MAP2K5: variants seen among roughly 807,000 people sequenced by gnomAD.
MAP2K5 encodes dual specificity mitogen-activated protein kinase kinase 5.
Under a neutral mutation model 83.1 loss-of-function variants are expected in MAP2K5, and 49 were observed. That is an observed-to-expected ratio of 0.59 (90% confidence interval 0.47 to 0.75). The LOEUF (loss-of-function observed/expected upper bound fraction) is 0.75, where lower values mean the gene tolerates loss of function less well. Among genes scored for constraint, MAP2K5 ranks in the 30% least tolerant of loss-of-function variants. The pLI, the probability that MAP2K5 is intolerant of heterozygous loss-of-function variation, is 0.00. For missense variants in MAP2K5, 457 were observed against 557.5 expected, an observed-to-expected ratio of 0.82 and a Z score of 1.82; for synonymous variants, 202 against 191.8, an observed-to-expected ratio of 1.05 and a Z score of -0.44.
At chr15:67,566,340 A>G (rs1163676651) in intron 3 of MAP2K5, among the ~76,000 whole-genome samples, 1 of 151,976 alleles carries the variant, frequency 6.6e-6, no homozygotes, top group Admixed American at 6.6e-5. Context: ...ACGCACGGCT[A>G]ATTTTTGTAC....
intron 16 of MAP2K5, among the ~76,000 whole-genome samples, chr15:67,709,123 C>A (rs576999383): frequency 3.9e-5 from 6 of 152,294 alleles, no homozygotes; most frequent in African/African-American, 1.4e-4. Flanking sequence ...TAACTCACAT[C>A]TTTAAATGTG....
intron 11 of MAP2K5, among the ~76,000 whole-genome samples, chr15:67,656,986 C>T (rs1297720997): frequency 1.3e-5 from 2 of 152,140 alleles, no homozygotes; most frequent in African/African-American, 4.8e-5. Flanking sequence ...ATTTTTTCAC[C>T]TATGACGTTT....
At chr15:67,553,326 A>G (rs1037265106) in intron 2 of MAP2K5, among the ~76,000 whole-genome samples, 2 of 152,186 alleles carry the variant, frequency 1.3e-5, no homozygotes, top group African/African-American at 4.8e-5. Flanking sequence ...GTAAATATAG[A>G]TAAACCTCTA....
chr15:67,593,583 C>T (rs1366341371), intron 7 of MAP2K5, among the ~76,000 whole-genome samples: 1 of 152,178 alleles, frequency 6.6e-6, no homozygotes, highest in Non-Finnish European at 1.5e-5. Flanking sequence ...TAAACATACA[C>T]TGGTAAATTA....
chr15:67,780,896 T>A lies in MAP2K5; in HGVS notation c.1242+8144T>A, dbSNP rs1237041615. Among the ~76,000 whole-genome samples, 5 of 152,276 alleles carry A rather than the reference T, an allele frequency of 3.3e-5. No homozygotes were observed. The East Asian group carries it at 9.6e-4, about 29-fold the overall frequency. On this transcript the variant is annotated intron_variant, in intron 21 of 21. Coordinates refer to ENST00000178640, the MANE Select transcript of MAP2K5 (RefSeq NM_145160.3). This position sits in a 1 kb window ranked among gnomAD's most constrained non-coding sequence, Gnocchi z 5.0. ...AGGTGGTGATCAGCAGCACATATGA[T>A]CTTTGGTATGCATTCTGACCACTTG... is the stretch of plus-strand genomic sequence containing the variant.
In MAP2K5 at chr15:67,573,422, C is replaced by T. The variant is rs142129671; in HGVS notation, c.253-7332C>T. Among the ~76,000 whole-genome samples, 51 of 152,174 alleles carry T rather than the reference C, an allele frequency of 3.4e-4. 1 individual carries two copies. In the East Asian group the frequency reaches 9.5e-3, roughly 28 times the overall value. On this transcript the variant is annotated intron_variant, in intron 3 of 21. Coordinates refer to ENST00000178640, the MANE Select transcript of MAP2K5 (RefSeq NM_145160.3). This position sits in a 1 kb window ranked among gnomAD's most constrained non-coding sequence, Gnocchi z 4.2. ...GTAGAGGGTGGGGCGGGAGTTGCCA[C>T]ACACTTTTAAACCATCAGATCTCGT...
At chr15:67,744,926 A>T (rs1490498529) in intron 17 of MAP2K5, among the ~76,000 whole-genome samples, 2 of 152,206 alleles carry the variant, frequency 1.3e-5, no homozygotes, top group Non-Finnish European at 2.9e-5. Context: ...CTATGAAGTC[A>T]TTCTTCCCCA....
intron 2 of MAP2K5, among the ~76,000 whole-genome samples, chr15:67,554,875 GT>G (rs1198752542): frequency 1.3e-5 from 2 of 152,192 alleles, no homozygotes; most frequent in Non-Finnish European, 2.9e-5. Flanking sequence ...AGTAATTTGC[GT>G]TTTTGGATTA....
At chr15:67,804,985 C>T (rs2090774198) in intron 21 of MAP2K5, among the ~76,000 whole-genome samples, 1 of 152,208 alleles carries the variant, frequency 6.6e-6, no homozygotes, top group Admixed American at 6.5e-5. Flanking sequence ...CACAGGGCCA[C>T]ACCCAGCCTG....
At chr15:67,614,655 A>C (rs1040930089) in intron 8 of MAP2K5, among the ~76,000 whole-genome samples, 1 of 152,182 alleles carries the variant, frequency 6.6e-6, no homozygotes, top group Non-Finnish European at 1.5e-5. Flanking sequence ...ACCATATATT[A>C]AAAGACATTA....
At chr15:67,618,692 C>T (rs1467024850) in intron 8 of MAP2K5, among the ~76,000 whole-genome samples, 1 of 152,166 alleles carries the variant, frequency 6.6e-6, no homozygotes, top group African/African-American at 2.4e-5. Context: ...TTTCTTCCTC[C>T]TTCTTTTTCT....
rs2090722535 is a variant in MAP2K5 at position 67,802,415 on chromosome 15, C to G, written c.1243-4231C>G. 6.6e-6 allele frequency among the ~76,000 whole-genome samples: 1 copy of G among 152,226 alleles called. No homozygotes were observed. The highest frequency in any genetic ancestry group is 1.5e-5 in the Non-Finnish European group (1 of 68,048). On this transcript the variant is annotated intron_variant, in intron 21 of 21. Coordinates refer to ENST00000178640, the MANE Select transcript of MAP2K5 (RefSeq NM_145160.3). This position sits in a 1 kb window ranked among gnomAD's most constrained non-coding sequence, Gnocchi z 5.0. Reference sequence around the variant, plus strand: ...GGCACCTCCCGACTCTCCCCTGTGTCCCACTTTTGGAGTCATCCTGCCTCT... The same window carrying G: ...GGCACCTCCCGACTCTCCCCTGTGTGCCACTTTTGGAGTCATCCTGCCTCT...
In MAP2K5 at chr15:67,699,385, C is replaced by T. The variant is rs538665879; in HGVS notation, c.973-3952C>T. ...CCTGCTAGAAGCCTAAATGGCTAACCTCAGTGTAAGAGTAAACTAGATCTA... is the reference window on the plus strand; with the variant it reads ...CCTGCTAGAAGCCTAAATGGCTAACTTCAGTGTAAGAGTAAACTAGATCTA... On this transcript the variant is annotated intron_variant, in intron 15 of 21. Coordinates refer to ENST00000178640, the MANE Select transcript of MAP2K5 (RefSeq NM_145160.3). 4.6e-5 allele frequency among the ~76,000 whole-genome samples: 7 copies of T among 152,266 alleles called. No homozygotes were observed. In the East Asian group the frequency reaches 1.4e-3, roughly 29 times the overall value.
intron 8 of MAP2K5, among the ~76,000 whole-genome samples, chr15:67,612,095 T>C (rs535098928): frequency 1.3e-5 from 2 of 149,292 alleles, no homozygotes; most frequent in African/African-American, 4.9e-5. Context: ...TTTTTTTCAC[T>C]GCCATGATTT....
Position 67,755,293 on chromosome 15 carries a change from G to A in MAP2K5, c.1134+6692G>A, listed in dbSNP as rs770479806. Among the ~76,000 whole-genome samples the A allele has an allele frequency of 6.6e-6, 1 of 152,006 alleles. No homozygotes were observed. The highest frequency in any genetic ancestry group is 1.5e-5 in the Non-Finnish European group (1 of 67,978). On this transcript the variant is annotated intron_variant, in intron 19 of 21. Transcript: ENST00000178640. This position sits in a 1 kb window ranked among gnomAD's most constrained non-coding sequence, Gnocchi z 4.7. The stretch of plus-strand genomic sequence containing the variant: ...ACTCCTGGCTTTTAGAAGCTTTTTA[G>A]TAACATTGTTATAAAGTAGGCTCTT...
chr15:67,620,814 G>A (rs915861438), intron 8 of MAP2K5, among the ~76,000 whole-genome samples: 1 of 151,928 alleles, frequency 6.6e-6, no homozygotes, highest in Admixed American at 6.6e-5. Flanking sequence ...AAAATTATAC[G>A]GGTAACTAAA....
Position 67,764,914 on chromosome 15 carries a change from A to G in MAP2K5, c.1135-4688A>G, listed in dbSNP as rs930746261. ...CTGCTAAGAATCTAGGCCTCATCTA[A>G]TTGTTTAAAAATAGTCCCTATCCCT... On this transcript the variant is annotated intron_variant, in intron 19 of 21. Coordinates refer to ENST00000178640, the MANE Select transcript of MAP2K5 (RefSeq NM_145160.3). This position sits in a 1 kb window ranked among gnomAD's most constrained non-coding sequence, Gnocchi z 4.9. Among the ~76,000 whole-genome samples, 1 of 152,192 alleles carries G rather than the reference A, an allele frequency of 6.6e-6. No homozygotes were observed. The highest frequency in any genetic ancestry group is 2.4e-5 in the African/African-American group (1 of 41,464).
intron 8 of MAP2K5, among the ~76,000 whole-genome samples, chr15:67,613,294 A>G (rs918336833): frequency 1.3e-5 from 2 of 152,224 alleles, no homozygotes; most frequent in African/African-American, 4.8e-5. Context: ...AAATCACTCA[A>G]TAGCTATTCC....
chr15:67,572,947 C>T lies in MAP2K5; in HGVS notation c.253-7807C>T, dbSNP rs1389933569. ...TCCTGACCTTGTGATCTGCCTGCCT[C>T]GGCCTGCCAAAGTGCTGGGATTACA... On this transcript the variant is annotated intron_variant, in intron 3 of 21. Coordinates refer to ENST00000178640, the MANE Select transcript of MAP2K5 (RefSeq NM_145160.3). The surrounding 1 kb of genome is among the most constrained non-coding windows in gnomAD (Gnocchi z 4.2). Among the ~76,000 whole-genome samples the T allele has an allele frequency of 1.3e-5, 2 of 152,082 alleles. No homozygotes were observed. Among genetic ancestry groups the T allele is most frequent in the African/African-American group, 4.8e-5 (2 of 41,412 alleles).
Sources: allele counts gnomAD v4.1 joint callset (sites outside exome capture counted in the v4.1 genomes callset), GRCh38; gene constraint gnomAD v4.1.1; non-coding constraint Gnocchi (gnomAD v3.1); transcripts MANE v1.5; gene names NCBI Gene and HGNC (gene_info 2026-07-23, HGNC 2026-07-21).